NPAT: variants seen among roughly 807,000 people sequenced by gnomAD.
NPAT encodes the protein protein NPAT.
NPAT carries 52 observed loss-of-function variants against 130.7 expected under a neutral mutation model. That is an observed-to-expected ratio of 0.40 (90% CI 0.32 to 0.50). NPAT has a LOEUF of 0.50. Ranked by LOEUF, NPAT falls within the 20% of genes least tolerant of loss-of-function variation. The pLI is 0.68. For missense variants in NPAT, 1,687 were observed against 1,662.6 expected (o/e 1.01, Z -0.26); for synonymous variants, 580 against 584.8 (o/e 0.99, Z 0.12).
At chr11:108,177,461 G>T (rs1565313580) in intron 10 of NPAT, among the ~76,000 whole-genome samples, 2 of 152,010 alleles carry the variant, frequency 1.3e-5, no homozygotes, top group East Asian at 3.9e-4. Flanking sequence ...TACTCAGCGT[G>T]AATAATATGA....
intron 7 of NPAT, 69 bp from the exon 8 acceptor site, chr11:108,186,638 C>T (rs1307040431): frequency 7.1e-6 from 9 of 1,270,208 alleles, no homozygotes; most frequent in African/African-American, 1.5e-5. Flanking sequence ...AATACATATA[C>T]AGACATAAAT....
At position 108,167,975 on chromosome 11, in the gene NPAT, G is replaced by T. The variant is rs979847493; in HGVS notation, c.3010+1769C>A. On this transcript the variant is annotated intron_variant, in intron 15 of 17. Transcript: ENST00000278612. The stretch of plus-strand genomic sequence containing the variant: ...TAAGAGAAGATTCCAAACTTTATTA[G>T]TAATCAGAATAAAGTAAAAGAATGA... Among the ~76,000 whole-genome samples, 4 of 152,242 alleles carry T rather than the reference G, an allele frequency of 2.6e-5. 1 individual carries two copies. The South Asian group carries it at 8.3e-4, about 32-fold the overall frequency.
Position 108,161,780 on chromosome 11 carries a change from A to C in NPAT, c.3306T>G (p.Asn1102Lys). ...AAGGGGGTTTTAAGGTGGAGGACAC[A>C]TTGGGTGAGTCAAGATTAGGAAAAG... is the stretch of plus-strand genomic sequence containing the variant. ...AVSFPNLDSP[N>K]VSSTLKPPSN... is the part of the protein sequence containing the mutation. The change falls in exon 17 of 18, where the codon AAT becomes AAG. Residue 1102 changes from asparagine to lysine, a missense_variant. By Grantham distance (94) the Asn-to-Lys change is moderately conservative. Coordinates refer to ENST00000278612, the MANE Select transcript of NPAT (RefSeq NM_002519.3). The C allele has an allele frequency of 6.2e-7, 1 of 1,613,964 alleles. No individual in the cohort carries two copies. Among genetic ancestry groups the C allele is most frequent in the East Asian group, 2.2e-5 (1 of 44,880 alleles).
intron 15 of NPAT, among the ~76,000 whole-genome samples, chr11:108,167,387 T>A (rs1264888240): frequency 3.3e-5 from 5 of 152,104 alleles, no homozygotes; most frequent in Non-Finnish European, 4.4e-5. Context: ...TTTAAAAAAT[T>A]TATTTTCTAG....
At chr11:108,220,141 C>T (rs1474756669) in intron 1 of NPAT, among the ~76,000 whole-genome samples, 3 of 152,218 alleles carry the variant, frequency 2.0e-5, no homozygotes, top group Non-Finnish European at 2.9e-5. Flanking sequence ...AAAAACTGAA[C>T]TGATGGCCCA....
At chr11:108,219,042 T>C (rs1435906736) in intron 1 of NPAT, among the ~76,000 whole-genome samples, 2 of 152,222 alleles carry the variant, frequency 1.3e-5, no homozygotes, top group Non-Finnish European at 2.9e-5. Context: ...GTTTTGGTCC[T>C]GTTTGACCTC....
At chr11:108,198,458 A>T (rs1046173000) in intron 1 of NPAT, among the ~76,000 whole-genome samples, 1 of 152,026 alleles carries the variant, frequency 6.6e-6, no homozygotes, top group Non-Finnish European at 1.5e-5. Context: ...CAACATAGAA[A>T]ATATGAATAA....
At chr11:108,164,863 T>C (rs1006027704) in intron 15 of NPAT, among the ~76,000 whole-genome samples, 3 of 151,950 alleles carry the variant, frequency 2.0e-5, no homozygotes, top group Non-Finnish European at 2.9e-5. Flanking sequence ...ATACAAAAAA[T>C]AGCTGGGCAT....
chr11:108,176,466 A>C, intron 11 of NPAT, 92 bp from the exon 12 acceptor site: 1 of 970,120 alleles, frequency 1.0e-6, no homozygotes. Flanking sequence ...GCAAATGTTA[A>C]ACTTCGATTT....
At chr11:108,175,539 A>C (rs895593001) in intron 12 of NPAT, among the ~76,000 whole-genome samples, 1 of 152,252 alleles carries the variant, frequency 6.6e-6, no homozygotes, top group Admixed American at 6.5e-5. Flanking sequence ...CACTTTGTAC[A>C]GGGAAGAACT....
chr11:108,217,122 T>C (rs1333411723), intron 1 of NPAT, among the ~76,000 whole-genome samples: 2 of 152,194 alleles, frequency 1.3e-5, no homozygotes, highest in Non-Finnish European at 2.9e-5. Context: ...ACTCCAAAGA[T>C]GTGCACGTTG....
chr11:108,161,999 G>C lies in NPAT; in HGVS notation c.3087C>G (p.Asp1029Glu). 1 of 1,608,730 alleles carries C rather than the reference G, an allele frequency of 6.2e-7. No individual in the cohort carries two copies. Among genetic ancestry groups the C allele is most frequent in the Non-Finnish European group, 8.5e-7 (1 of 1,177,810 alleles). ...GCHAQKTEVS[D>E]KSIATDLGKK... ...TCCCAAGATCTGTGGCAATACTTTT[G>C]TCAGAAACTTCAGTTCTAAAACAAA... The change falls in exon 17 of 18, where the codon GAC becomes GAG. Residue 1029 changes from aspartate (D) to glutamate (E), a missense_variant. Physicochemically the swap from Asp to Glu is conservative, Grantham distance 45. Around this residue, in one of 3 missense-constraint regions of NPAT, gnomAD observed 1,379 missense variants for 1,346.6 expected, o/e 1.02. Coordinates refer to ENST00000278612, the MANE Select transcript of NPAT (RefSeq NM_002519.3).
intron 1 of NPAT, among the ~76,000 whole-genome samples, chr11:108,219,762 A>C (rs1177231830): frequency 1.3e-5 from 2 of 148,636 alleles, no homozygotes; most frequent in African/African-American, 5.0e-5. Flanking sequence ...ACAACAACAA[A>C]CTCATTGTTT....
chr11:108,172,126 C>A, intron 13 of NPAT, 73 bp downstream of exon 13: 1 of 1,293,458 alleles, frequency 7.7e-7, no homozygotes, highest in South Asian at 1.2e-5. Context: ...ACTTCGCAGT[C>A]AATAACATCA....
Position 108,173,381 on chromosome 11 carries a change from A to T in NPAT, c.1603T>A (p.Ser535Thr). ...TTTCCAGTTAATGAAGTATCTTGGG[A>T]TAAAAGTTGAGAACTCTTCCCAGAG... ...ILSGKSSQLL[S>T]QDTSLTGKPS... Residue 535 changes from serine (S) to threonine (T), a missense_variant, in exon 13 of 18, where the codon TCC (serine) becomes ACC (threonine). Ser to Thr is a moderately conservative substitution (Grantham distance 58). Transcript: ENST00000278612. 1.9e-6 allele frequency: 3 copies of T among 1,613,952 alleles called. No homozygotes were observed. Among genetic ancestry groups the T allele is most frequent in the Non-Finnish European group, 2.5e-6 (3 of 1,179,868 alleles).
Position 108,192,129 on chromosome 11 carries a change from A to G in NPAT, c.279T>C (p.Leu93=). 1 of 1,599,212 alleles carries G rather than the reference A, an allele frequency of 6.3e-7. No homozygotes were observed. The highest frequency in any genetic ancestry group is 8.6e-7 in the Non-Finnish European group (1 of 1,166,546). Residue 93 remains leucine (L), a synonymous_variant, in exon 4 of 18, where the codon CTT becomes CTC. Transcript: ENST00000278612. ...SSLWKKLDHT[L]SQIRSMQSSP... The stretch of plus-strand genomic sequence containing the variant: ...TAATAGCTTATTACCTGATCTGAGA[A>G]AGTGTATGGTCCAATTTCTTCCATA...
intron 1 of NPAT, among the ~76,000 whole-genome samples, chr11:108,197,883 C>T (rs755121530): frequency 7.2e-5 from 11 of 152,212 alleles, no homozygotes; most frequent in Non-Finnish European, 1.6e-4. Flanking sequence ...AAGACCTACT[C>T]TGCATGAAAG....
At chr11:108,203,205 AATG>A (rs1378184671) in intron 1 of NPAT, among the ~76,000 whole-genome samples, 1 of 152,174 alleles carries the variant, frequency 6.6e-6, no homozygotes, top group East Asian at 1.9e-4. Flanking sequence ...TTTTCTCACC[AATG>A]ATTTCTTGCT....
At chr11:108,221,645 G>T (rs1226477325) in intron 1 of NPAT, among the ~76,000 whole-genome samples, 1 of 152,188 alleles carries the variant, frequency 6.6e-6, no homozygotes, top group African/African-American at 2.4e-5. Flanking sequence ...TTTCATCACA[G>T]ATGCTTGCCA....
Sources: gnomAD v4.1 joint callset for allele counts (sites outside exome capture counted in the v4.1 genomes callset) on GRCh38, gnomAD v4.1.1 for gene constraint, gnomAD v4.1.1 regional missense constraint, MANE v1.5 for transcripts, NCBI Gene and HGNC (gene_info 2026-07-23, HGNC 2026-07-21) for gene names.